The following ZSWIM5 variants were observed in gnomAD, a reference collection of about 807,000 sequenced individuals.
ZSWIM5 encodes zinc finger SWIM domain-containing protein 5.
A neutral mutation model predicts 119.6 loss-of-function variants in ZSWIM5; 55 were observed. The ratio of observed to expected loss-of-function variants is 0.46; its 90% CI spans 0.37 to 0.58. The LOEUF (loss-of-function observed/expected upper bound fraction) is 0.58, where lower values mean the gene tolerates loss of function less well. Among genes scored for constraint, ZSWIM5 ranks in the 20% least tolerant of loss-of-function variants. The pLI is 0.00. For synonymous variants in ZSWIM5, 537 were observed against 606.9 expected, an observed-to-expected ratio of 0.88 and a Z score of 1.69; for missense variants, 1,193 against 1,512.8, an observed-to-expected ratio of 0.79 and a Z score of 3.51.
At chr1:45,073,944 G>A (rs1645240536) in intron 2 of ZSWIM5, among the ~76,000 whole-genome samples, 1 of 151,918 alleles carries the variant, frequency 6.6e-6, no homozygotes, top group African/African-American at 2.4e-5. Context: ...ATCATGAAGA[G>A]ATGTTGGATT....
chr1:45,034,345 C>T lies in ZSWIM5; in HGVS notation c.2416G>A (p.Glu806Lys). Residue 806 changes from glutamate to lysine, a missense_variant, in exon 11 of 14, where the codon GAA becomes AAA. Physicochemically the swap from Glu to Lys is moderately conservative, Grantham distance 56. Coordinates refer to ENST00000359600, the MANE Select transcript of ZSWIM5 (RefSeq NM_020883.2). ...GCAGTCAGCATGGTGGAGGCCAGTT[C>T]ACACTGCTGTGATTCCAAGTGTCCA... ...TLGHLESQQC[E>K]LASTMLTAAK... is the part of the protein sequence containing the mutation. 4 of 1,613,028 alleles carry T rather than the reference C, an allele frequency of 2.5e-6. No homozygotes were observed. The highest frequency in any genetic ancestry group is 3.4e-6 in the Non-Finnish European group (4 of 1,179,492).
At position 45,205,752 on chromosome 1, in the gene ZSWIM5, A is replaced by G; in HGVS notation, c.595+4T>C. On this transcript the variant is annotated splice_donor_region_variant and intron_variant, in intron 1 of 13. Coordinates refer to ENST00000359600, the MANE Select transcript of ZSWIM5 (RefSeq NM_020883.2). ...GACCCGAGAACGCCTGGACGAGCACATACCGACTTGCAGCACGTTCTCCAC... is the reference window on the plus strand; with the variant it reads ...GACCCGAGAACGCCTGGACGAGCACGTACCGACTTGCAGCACGTTCTCCAC... 1 of 1,563,460 alleles carries G rather than the reference A, an allele frequency of 6.4e-7. No individual in the cohort carries two copies. The highest frequency in any genetic ancestry group is 8.6e-7 in the Non-Finnish European group (1 of 1,159,566).
At chr1:45,193,938 G>GTGTATATATATA (rs766920512) in intron 1 of ZSWIM5, among the ~76,000 whole-genome samples, 4 of 146,208 alleles carry the variant, frequency 2.7e-5, no homozygotes, top group African/African-American at 1.0e-4. Flanking sequence ...GTGCATATGT[G>GTGTATATATATA]TATATATATA....
intron 5 of ZSWIM5, among the ~76,000 whole-genome samples, chr1:45,050,403 T>C (rs1215857501): frequency 6.6e-6 from 1 of 152,140 alleles, no homozygotes; most frequent in East Asian, 1.9e-4. Flanking sequence ...CAGTGTCTGA[T>C]AAAATCTTCT....
chr1:45,182,542 G>C (rs1256434708), intron 1 of ZSWIM5, among the ~76,000 whole-genome samples: 1 of 152,142 alleles, frequency 6.6e-6, no homozygotes, highest in Non-Finnish European at 1.5e-5. Flanking sequence ...CAAAATAAAA[G>C]GATGGAGGAA....
intron 1 of ZSWIM5, among the ~76,000 whole-genome samples, chr1:45,182,139 G>A (rs1247707262): frequency 4.6e-5 from 7 of 152,260 alleles, no homozygotes; most frequent in Middle Eastern, 3.4e-3. Flanking sequence ...AGACTGGGCC[G>A]GGCGCGGTGG....
rs79764918 is a variant in ZSWIM5, at chr1:45,028,230, T to C, written c.2449+6082A>G. On this transcript the variant is annotated intron_variant, in intron 11 of 13. Transcript: ENST00000359600. ...ATGAAGTCTAATTTACCTATCTATA[T>C]TTTTTTTGTTGTTCATGCTTTTGAT... Among the ~76,000 whole-genome samples, 1,361 of 152,146 alleles carry C rather than the reference T, an allele frequency of 8.9e-3. 11 individuals carry two copies. The highest frequency in any genetic ancestry group is 0.014 in the Non-Finnish European group (926 of 67,976).
Position 45,205,819 on chromosome 1 carries a change from GC to G in ZSWIM5, c.531del (p.Leu178SerfsTer25). On this transcript the variant is annotated frameshift_variant, in exon 1 of 14. Transcript: ENST00000359600. LOFTEE classifies it high-confidence loss of function. ...AGACGGATGCCCCGGCGGAACGGGA[GC>G]CCCTCGCCACCGCAGCCGGCCGCGC... ...GAGAAGCGGE[G>X]LPFRRGIRLL... The G allele has an allele frequency of 6.5e-7, 1 of 1,527,856 alleles. No individual in the cohort carries two copies. The allele number at this position is 1,527,856 out of a possible 1,614,324, so 94.6% of individuals were successfully genotyped here.
chr1:45,180,838 C>A (rs1319976423), intron 1 of ZSWIM5, among the ~76,000 whole-genome samples: 1 of 152,072 alleles, frequency 6.6e-6, no homozygotes, highest in Admixed American at 6.6e-5. Flanking sequence ...TGGAGTGGAC[C>A]TCTAGCAAAC....
intron 1 of ZSWIM5, among the ~76,000 whole-genome samples, chr1:45,170,346 T>G (rs2149045031): frequency 6.6e-6 from 1 of 151,962 alleles, no homozygotes; most frequent in East Asian, 1.9e-4. Context: ...ATTAAAGCCC[T>G]AAGAAGAGGT....
chr1:45,139,566 C>T (rs923695760), intron 1 of ZSWIM5, among the ~76,000 whole-genome samples: 1 of 148,608 alleles, frequency 6.7e-6, no homozygotes, highest in Admixed American at 6.8e-5. Context: ...TGGCTTCAAA[C>T]TCCTGGGCTC....
intron 2 of ZSWIM5, among the ~76,000 whole-genome samples, chr1:45,073,652 CA>C (rs1217484411): frequency 6.6e-6 from 1 of 151,738 alleles, no homozygotes; most frequent in Admixed American, 6.6e-5. Flanking sequence ...TAGGTTTTTC[CA>C]AATATAAGAT....
Position 45,088,386 on chromosome 1 carries a change from C to A in ZSWIM5, c.596-149G>T. 1 of 606,188 alleles carries A rather than the reference C, an allele frequency of 1.6e-6. No individual in the cohort carries two copies. Among genetic ancestry groups the A allele is most frequent in the Non-Finnish European group, 2.8e-6 (1 of 356,374 alleles). 37.6% of individuals were successfully genotyped at this position (606,188 alleles called of 1,614,324 possible). The stretch of plus-strand genomic sequence containing the variant: ...TAGGCTTTGCCACAGACACAGAGGT[C>A]AATGAAATTCAGTTACTGCTCTGAA... On this transcript the variant is annotated intron_variant, in intron 1 of 13. Transcript: ENST00000359600. This position sits in a 1 kb window ranked among gnomAD's most constrained non-coding sequence, Gnocchi z 4.2.
In ZSWIM5 at chr1:45,072,421, C is replaced by T. The variant is rs942436762; in HGVS notation, c.953-12174G>A. ...TCCTTTCTGTACAGAAGCTTTTTAA[C>T]TTGATGTGATCCCATTTATCCATTT... On this transcript the variant is annotated intron_variant, in intron 2 of 13. Transcript: ENST00000359600. The surrounding 1 kb of genome is among the most constrained non-coding windows in gnomAD (Gnocchi z 4.1). Among the ~76,000 whole-genome samples the T allele has an allele frequency of 6.6e-6, 1 of 151,884 alleles. No individual in the cohort carries two copies. Among genetic ancestry groups the T allele is most frequent in the African/African-American group, 2.4e-5 (1 of 41,230 alleles).
rs148752699 is a variant in ZSWIM5, at chr1:45,090,862, A to C, written c.596-2625T>G. Among the ~76,000 whole-genome samples the C allele has an allele frequency of 2.9e-3, 435 of 151,770 alleles. 5 individuals are homozygous for C. The highest frequency in any genetic ancestry group is 7.7e-4 in the East Asian group (4 of 5,164). ...AAAAAAAAAAGAACTAAAGAAGAGA[A>C]CTGTAGGGTTGGGAAGCAGCTCCTC... On this transcript the variant is annotated intron_variant, in intron 1 of 13. Coordinates refer to ENST00000359600, the MANE Select transcript of ZSWIM5 (RefSeq NM_020883.2).
intron 11 of ZSWIM5, among the ~76,000 whole-genome samples, chr1:45,033,640 G>A (rs1644965449): frequency 6.6e-6 from 1 of 152,116 alleles, no homozygotes; most frequent in Non-Finnish European, 1.5e-5. Context: ...AAGGAGTTCA[G>A]CTCTATCTTA....
In ZSWIM5 at chr1:45,135,031, C is replaced by T. The variant is rs1423840213; in HGVS notation, c.596-46794G>A. 2.0e-5 allele frequency among the ~76,000 whole-genome samples: 3 copies of T among 151,962 alleles called. No homozygotes were observed. The East Asian group carries it at 5.8e-4, about 29-fold the overall frequency. ...CACCTCTTGTCTATTGTGAATAATG[C>T]TACAATGAACATGGGATTATTTTTA... On this transcript the variant is annotated intron_variant, in intron 1 of 13. Transcript: ENST00000359600.
chr1:45,055,351 C>T (rs1645115926), intron 4 of ZSWIM5, among the ~76,000 whole-genome samples: 2 of 152,076 alleles, frequency 1.3e-5, no homozygotes, highest in Admixed American at 6.6e-5. Flanking sequence ...GTCTTGAACC[C>T]CTGACCTCAG....
rs1330252166 is a variant in ZSWIM5 at position 45,018,601 on chromosome 1, C to T, written c.3411G>A (p.Glu1137=). 1 of 1,614,230 alleles carries T rather than the reference C, an allele frequency of 6.2e-7. No homozygotes were observed. The highest frequency in any genetic ancestry group is 1.7e-5 in the Admixed American group (1 of 60,028). ...GAGCCTTGCTTAGAAACTCAATGAA[C>T]TCTCCATAGTGGCGAGGGCTGATGT... ...LTHISPRHYG[E]FIEFLSKARE... Residue 1137 remains glutamate (E), a synonymous_variant, in exon 14 of 14, where the codon GAG becomes GAA. Coordinates refer to ENST00000359600, the MANE Select transcript of ZSWIM5 (RefSeq NM_020883.2). This position sits in a 1 kb window ranked among gnomAD's most constrained non-coding sequence, Gnocchi z 6.7.
Sources: gnomAD v4.1 joint callset for allele counts (sites outside exome capture counted in the v4.1 genomes callset) on GRCh38, gnomAD v4.1.1 for gene constraint, Gnocchi (gnomAD v3.1) non-coding constraint, MANE v1.5 for transcripts, NCBI Gene and HGNC (gene_info 2026-07-23, HGNC 2026-07-21) for gene names.